IQSEC1: variants seen among roughly 807,000 people sequenced by gnomAD.
IQSEC1 encodes the protein IQ motif and Sec7 domain ArfGEF 1.
A neutral mutation model predicts 91.0 loss-of-function variants in IQSEC1; 31 were observed. The observed-to-expected ratio is 0.34, with a 90% CI of 0.26 to 0.46. The LOEUF (loss-of-function observed/expected upper bound fraction) is 0.46. IQSEC1 is among the 20% of genes least tolerant of loss of function. The pLI is 1.00. For missense variants in IQSEC1, 1,388 were observed against 1,575.6 expected (o/e 0.88, Z 2.02); for synonymous variants, 699 against 662.6 (o/e 1.05, Z -0.84).
intron 1 of IQSEC1, among the ~76,000 whole-genome samples, chr3:13,252,934 T>C (rs986571333): frequency 6.6e-6 from 1 of 152,098 alleles, no homozygotes; most frequent in African/African-American, 2.4e-5. Context: ...GAGTTTCACC[T>C]TGTTAGCCAG....
At chr3:13,273,060 T>C (rs1444925177) in intron 1 of IQSEC1, among the ~76,000 whole-genome samples, 1 of 152,200 alleles carries the variant, frequency 6.6e-6, no homozygotes. Flanking sequence ...GATGTAATCC[T>C]TGCCACTCCT....
chr3:13,162,540 C>T (rs965846216), intron 2 of IQSEC1, among the ~76,000 whole-genome samples: 1 of 152,216 alleles, frequency 6.6e-6, no homozygotes, highest in Non-Finnish European at 1.5e-5. Context: ...AGGAAGCATA[C>T]AGGCACTGGA....
rs1486422289 is a variant in IQSEC1, at chr3:12,994,364, CG to C, written c.24-52500del. Reference sequence around the variant, plus strand: ...GTGCGTGCGCGGCTGTGCTAGGGGGCGGGGAGGACGGTGCCGCCCCGGCCGC... The same window carrying C: ...GTGCGTGCGCGGCTGTGCTAGGGGGCGGGAGGACGGTGCCGCCCCGGCCGC... On this transcript the variant is annotated intron_variant, in intron 1 of 13. Transcript: ENST00000613206. This position sits in a 1 kb window ranked among gnomAD's most constrained non-coding sequence, Gnocchi z 4.5. 6.6e-6 allele frequency among the ~76,000 whole-genome samples: 1 copy of C among 151,962 alleles called. No homozygotes were observed. Among genetic ancestry groups the C allele is most frequent in the South Asian group, 2.1e-4 (1 of 4,820 alleles).
At chr3:13,091,915 C>A (rs1398963865) in intron 2 of IQSEC1, among the ~76,000 whole-genome samples, 1 of 148,878 alleles carries the variant, frequency 6.7e-6, no homozygotes, top group Non-Finnish European at 1.5e-5. Context: ...TCTGGGAGGG[C>A]AGCTTGGGTG....
intron 1 of IQSEC1, among the ~76,000 whole-genome samples, chr3:13,208,215 G>A (rs1694378387): frequency 6.6e-6 from 1 of 150,556 alleles, no homozygotes; most frequent in Non-Finnish European, 1.5e-5. Flanking sequence ...AGCAGGGCAG[G>A]CTGGAGAATG....
intron 2 of IQSEC1, among the ~76,000 whole-genome samples, chr3:13,146,504 A>G (rs1173681288): frequency 6.6e-6 from 1 of 152,186 alleles, no homozygotes; most frequent in Non-Finnish European, 1.5e-5. Flanking sequence ...TCAGCCACCA[A>G]GGACAGCTGC....
intron 12 of IQSEC1, among the ~76,000 whole-genome samples, chr3:12,905,831 G>A (rs148584549): frequency 2.0e-5 from 3 of 152,354 alleles, no homozygotes; most frequent in Non-Finnish European, 4.4e-5. Flanking sequence ...CAGGAGGGCC[G>A]CTGGGGGCCA....
chr3:13,194,390 C>G (rs1694090704), intron 1 of IQSEC1, among the ~76,000 whole-genome samples: 1 of 152,280 alleles, frequency 6.6e-6, no homozygotes, highest in South Asian at 2.1e-4. Flanking sequence ...TGCTCTGACT[C>G]TCACTGGGCT....
intron 1 of IQSEC1, among the ~76,000 whole-genome samples, chr3:12,954,340 T>TC (rs886595432): frequency 1.6e-4 from 24 of 152,046 alleles, no homozygotes; most frequent in African/African-American, 5.8e-4. Flanking sequence ...CAGATCTCCC[T>TC]CCCCCCTCAC....
chr3:13,112,562 T>C (rs1222696558), intron 2 of IQSEC1, among the ~76,000 whole-genome samples: 2 of 151,516 alleles, frequency 1.3e-5, no homozygotes, highest in African/African-American at 4.9e-5. Flanking sequence ...CAGGGAGGGC[T>C]TCCCAGGGAG....
chr3:12,980,191 T>C (rs996314623), intron 1 of IQSEC1, among the ~76,000 whole-genome samples: 5 of 152,122 alleles, frequency 3.3e-5, no homozygotes, highest in African/African-American at 1.2e-4. Context: ...TCTTAGTCCA[T>C]AGGAAACAGA....
chr3:13,097,963 C>A (rs1208058315), intron 2 of IQSEC1, among the ~76,000 whole-genome samples: 1 of 152,230 alleles, frequency 6.6e-6, no homozygotes, highest in African/African-American at 2.4e-5. Context: ...GCCCTGGCAG[C>A]CTCAGCCCAC....
At chr3:13,206,913 G>T (rs1187406433) in intron 1 of IQSEC1, among the ~76,000 whole-genome samples, 1 of 152,136 alleles carries the variant, frequency 6.6e-6, no homozygotes, top group African/African-American at 2.4e-5. Context: ...GGGTGGGTGA[G>T]TAGGAGGGAG....
At chr3:12,931,477 A>C (rs914133849) in intron 3 of IQSEC1, among the ~76,000 whole-genome samples, 10 of 152,214 alleles carry the variant, frequency 6.6e-5, no homozygotes, top group African/African-American at 2.4e-4. Context: ...TCAGTGAGAC[A>C]ATAGGCGGAA....
At chr3:13,122,428 C>T (rs1706441085) in intron 2 of IQSEC1, among the ~76,000 whole-genome samples, 1 of 151,406 alleles carries the variant, frequency 6.6e-6, no homozygotes, top group African/African-American at 2.4e-5. Flanking sequence ...GGCATGGACG[C>T]AGTTGGGTTT....
chr3:13,086,689 A>G (rs962163163), intron 2 of IQSEC1, among the ~76,000 whole-genome samples: 10 of 152,048 alleles, frequency 6.6e-5, no homozygotes, highest in African/African-American at 2.4e-4. Flanking sequence ...GGGCCTTTGC[A>G]TCTGCTGTTC....
At chr3:13,076,139 G>A (rs1212410206), upstream of IQSEC1, among the ~76,000 whole-genome samples, 1 of 152,208 alleles carries the variant, frequency 6.6e-6, no homozygotes, top group African/African-American at 2.4e-5. Flanking sequence ...AGCAGGGGCA[G>A]CCAGCCTTGG....
intron 1 of IQSEC1, chr3:13,022,522 C>T: frequency 1.1e-6 from 1 of 945,822 alleles, no homozygotes; most frequent in Non-Finnish European, 1.3e-6. Flanking sequence ...AAAAGCTCAG[C>T]TGCCGGAGCC....
At chr3:12,917,178 C>T (rs1483009808) in intron 6 of IQSEC1, among the ~76,000 whole-genome samples, 1 of 152,226 alleles carries the variant, frequency 6.6e-6, no homozygotes, top group African/African-American at 2.4e-5. Context: ...ACACTCATAG[C>T]CTTCCACGCT....
Sources: allele counts gnomAD v4.1 joint callset (sites outside exome capture counted in the v4.1 genomes callset), GRCh38; gene constraint gnomAD v4.1.1; non-coding constraint Gnocchi (gnomAD v3.1); transcripts MANE v1.5; gene names NCBI Gene and HGNC (gene_info 2026-07-23, HGNC 2026-07-21).